Variants in PCDH15 observed in about 807,000 individuals in gnomAD.
PCDH15 encodes protocadherin related 15, also known as protocadherin-15.
PCDH15 carries 129 observed loss-of-function variants against 178.5 expected under a neutral mutation model. That is an observed-to-expected ratio of 0.72 (90% CI 0.63 to 0.84). The LOEUF is 0.84. PCDH15 is among the 40% of genes least tolerant of loss of function. PCDH15 has a pLI of 0.00. For missense variants in PCDH15, 2,230 were observed against 2,099.9 expected (o/e 1.06, Z -1.21); for synonymous variants, 800 against 732.0 (o/e 1.09, Z -1.50).
chr10:55,528,740 C>G (rs1841372414), intron 2 of PCDH15, among the ~76,000 whole-genome samples: 1 of 151,914 alleles, frequency 6.6e-6, no homozygotes, highest in Admixed American at 6.6e-5. Flanking sequence ...GGGTATATAC[C>G]CAGTATTGAG....
chr10:54,330,559 G>GA (rs60064028), intron 6 of PCDH15, among the ~76,000 whole-genome samples: 7,723 of 150,742 alleles, frequency 0.051, 594 homozygotes, highest in African/African-American at 0.17. Flanking sequence ...CATTATTGTG[G>GA]AAAAAAAAAT....
At chr10:55,001,233 A>G (rs960089662) in intron 2 of PCDH15, among the ~76,000 whole-genome samples, 3 of 152,200 alleles carry the variant, frequency 2.0e-5, no homozygotes, top group African/African-American at 4.8e-5. Flanking sequence ...TCTGTTGCCC[A>G]GTAAGGCTCC....
At chr10:54,109,640 A>T (rs983419463) in intron 15 of PCDH15, among the ~76,000 whole-genome samples, 8 of 152,190 alleles carry the variant, frequency 5.3e-5, no homozygotes, top group Admixed American at 6.5e-5. Context: ...GAAAAATAAA[A>T]CTATTGAATT....
chr10:53,903,014 G>GT (rs1383968053), intron 26 of PCDH15, among the ~76,000 whole-genome samples: 1 of 152,010 alleles, frequency 6.6e-6, no homozygotes, highest in African/African-American at 2.4e-5. Context: ...GTAAAACATC[G>GT]TAAGTATTTT....
chr10:54,770,671 A>G (rs139256233), intron 1 of PCDH15, among the ~76,000 whole-genome samples: 1 of 151,912 alleles, frequency 6.6e-6, no homozygotes, highest in East Asian at 2.0e-4. Flanking sequence ...CAGTCAAGTT[A>G]TTTTCTCACT....
At chr10:53,981,446 G>A (rs866249873) in intron 21 of PCDH15, among the ~76,000 whole-genome samples, 2 of 152,120 alleles carry the variant, frequency 1.3e-5, no homozygotes, top group South Asian at 2.1e-4. Flanking sequence ...AACCAAAACA[G>A]CATGGTACTG....
intron 3 of PCDH15, among the ~76,000 whole-genome samples, chr10:54,807,742 C>T (rs1329749151): frequency 6.7e-6 from 1 of 148,728 alleles, no homozygotes; most frequent in Non-Finnish European, 1.5e-5. Flanking sequence ...ATAAAGTATG[C>T]ATATACTTAT....
intron 2 of PCDH15, among the ~76,000 whole-genome samples, chr10:54,619,956 T>C (rs2093304541): frequency 6.6e-6 from 1 of 152,062 alleles, no homozygotes; most frequent in South Asian, 2.1e-4. Flanking sequence ...AGGGTAAGAA[T>C]GGTTTTGACA....
chr10:54,644,460 A>G (rs974654369), intron 2 of PCDH15, among the ~76,000 whole-genome samples: 5 of 151,912 alleles, frequency 3.3e-5, no homozygotes, highest in Non-Finnish European at 5.9e-5. Flanking sequence ...AACATGTCAT[A>G]TTACAATATA....
chr10:53,942,928 G>A (rs1041700598), intron 23 of PCDH15, among the ~76,000 whole-genome samples: 8 of 152,148 alleles, frequency 5.3e-5, no homozygotes, highest in Admixed American at 5.2e-4. Flanking sequence ...ACAATGGATT[G>A]TTAATTTATG....
In PCDH15 at chr10:55,475,658, T is replaced by TA. The variant is rs1223777220; in HGVS notation, c.-156+151966dup. Among the ~76,000 whole-genome samples the TA allele has an allele frequency of 1.1e-4, 17 of 152,244 alleles. No homozygotes were observed. In the East Asian group the frequency reaches 3.3e-3, roughly 29 times the overall value. ...ACTTTCAGGCTGTGTATAAAAGGTG[T>TA]AAGTGAAGGATAAATGAATTTCGTG... is the stretch of plus-strand genomic sequence containing the variant. On this transcript the variant is annotated intron_variant, in intron 2 of 5. Coordinates refer to the PCDH15 transcript ENST00000613346.
Position 54,768,747 on chromosome 10 carries a change from A to G in PCDH15, c.-29+32178T>C, listed in dbSNP as rs117042354. Among the ~76,000 whole-genome samples, 931 of 152,258 alleles carry G rather than the reference A, an allele frequency of 6.1e-3. 7 individuals are homozygous for G. The highest frequency in any genetic ancestry group is 7.7e-3 in the Non-Finnish European group (525 of 68,016). ...TGCTTTATTATCACATATAGCATGAAACCCAAGTGCCTTACATGGTGTATC... is the reference window on the plus strand; with the variant it reads ...TGCTTTATTATCACATATAGCATGAGACCCAAGTGCCTTACATGGTGTATC... On this transcript the variant is annotated intron_variant, in intron 1 of 37. Transcript: ENST00000644397.
chr10:54,290,578 C>G (rs192744406), intron 8 of PCDH15, among the ~76,000 whole-genome samples: 2 of 152,082 alleles, frequency 1.3e-5, no homozygotes, highest in Non-Finnish European at 2.9e-5. Context: ...GCTAAATGTC[C>G]TAATTAAAAG....
chr10:54,032,923 C>A (rs931300489), intron 18 of PCDH15, among the ~76,000 whole-genome samples: 4 of 151,838 alleles, frequency 2.6e-5, no homozygotes, highest in African/African-American at 9.7e-5. Flanking sequence ...AGAAGGAACT[C>A]CCAATCACTT....
Position 54,003,112 on chromosome 10 carries a change from G to A in PCDH15, c.2752-7347C>T, listed in dbSNP as rs745478156. ...TAGGATATACTGAAATTTTTACTAC[G>A]TGGGAAATTTATAGCTATAAGTGCC... is the stretch of plus-strand genomic sequence containing the variant. On this transcript the variant is annotated intron_variant, in intron 20 of 37. Transcript: ENST00000644397. Among the ~76,000 whole-genome samples, 33 of 152,240 alleles carry A rather than the reference G, an allele frequency of 2.2e-4. 1 individual carries two copies. The highest frequency in any genetic ancestry group is 8.5e-4 in the Admixed American group (13 of 15,286).
chr10:55,415,236 C>T (rs1838450127), intron 2 of PCDH15, among the ~76,000 whole-genome samples: 6 of 151,370 alleles, frequency 4.0e-5, no homozygotes, highest in Admixed American at 3.3e-4. Context: ...TTACATAAAC[C>T]TTGTATTCCA....
chr10:53,969,158 C>A lies in PCDH15; in HGVS notation c.2869-7266G>T, dbSNP rs190110697. Among the ~76,000 whole-genome samples the A allele has an allele frequency of 2.3e-3, 345 of 152,136 alleles. 2 individuals carry two copies. The highest frequency in any genetic ancestry group is 7.6e-3 in the African/African-American group (316 of 41,518). ...CTAGAATAAACAGTGTAGAGAAGAC[C>A]TTAAATGACCTGATGGAGCTGAAAA... On this transcript the variant is annotated intron_variant, in intron 21 of 37. Coordinates refer to ENST00000644397, the MANE Select transcript of PCDH15 (RefSeq NM_001384140.1).
intron 2 of PCDH15, among the ~76,000 whole-genome samples, chr10:54,993,807 T>C (rs1289520484): frequency 1.3e-5 from 2 of 152,084 alleles, no homozygotes; most frequent in Non-Finnish European, 2.9e-5. Context: ...AATATATTTA[T>C]TTTTTGTTAC....
chr10:53,942,896 A>G (rs1234825528), intron 23 of PCDH15, among the ~76,000 whole-genome samples: 5 of 152,230 alleles, frequency 3.3e-5, no homozygotes, highest in Admixed American at 1.3e-4. Flanking sequence ...TTATTATGCC[A>G]CAACACAAAA....
Sources: allele counts gnomAD v4.1 joint callset (sites outside exome capture counted in the v4.1 genomes callset), GRCh38; gene constraint gnomAD v4.1.1; transcripts MANE v1.5; gene names NCBI Gene and HGNC (gene_info 2026-07-23, HGNC 2026-07-21).